The following ESCO2 variants were observed in gnomAD, a reference collection of about 807,000 sequenced individuals.
ESCO2 encodes establishment of sister chromatid cohesion N-acetyltransferase 2.
Under a neutral mutation model 61.7 loss-of-function variants are expected in ESCO2, and 51 were observed. The observed-to-expected ratio is 0.83, with a 90% CI of 0.66 to 1.04. The LOEUF (loss-of-function observed/expected upper bound fraction) is 1.04. Among genes scored for constraint, ESCO2 ranks in the 50% least tolerant of loss-of-function variants. The pLI, the probability that ESCO2 is intolerant of heterozygous loss-of-function variation, is 0.00. For synonymous variants in ESCO2, 230 were observed against 238.2 expected, an observed-to-expected ratio of 0.97 and a Z score of 0.32; for missense variants, 692 against 686.2, an observed-to-expected ratio of 1.01 and a Z score of -0.09.
At chr8:27,805,678 A>G (rs1219193735), downstream of ESCO2, among the ~76,000 whole-genome samples, 1 of 152,092 alleles carries the variant, frequency 6.6e-6, no homozygotes, top group Admixed American at 6.5e-5. Flanking sequence ...TGGTACAAAC[A>G]CGGCTCACTG....
chr8:27,799,712 C>A lies in ESCO2; in HGVS notation c.1669C>A (p.Leu557Ile). Residue 557 changes from leucine (L) to isoleucine (I), a missense_variant, in exon 10 of 11, where the codon CTC becomes ATC. By Grantham distance (5) the Leu-to-Ile change is conservative. Coordinates refer to ENST00000305188, the MANE Select transcript of ESCO2 (RefSeq NM_001017420.3). ...KRIARRLVDT[L>I]RNCFMFGCFL... Reference sequence around the variant, plus strand: ...CATTGCAAGACGACTGGTTGATACCCTCAGGTAAGAAATAAAATGGATCTA... The same window carrying A: ...CATTGCAAGACGACTGGTTGATACCATCAGGTAAGAAATAAAATGGATCTA... 6.2e-7 allele frequency: 1 copy of A among 1,613,742 alleles called. No homozygotes were observed. The highest frequency in any genetic ancestry group is 8.5e-7 in the Non-Finnish European group (1 of 1,179,970).
downstream of ESCO2, among the ~76,000 whole-genome samples, chr8:27,814,594 C>A (rs891654015): frequency 2.0e-5 from 3 of 152,064 alleles, no homozygotes; most frequent in African/African-American, 7.2e-5. Flanking sequence ...AATCAATGAA[C>A]ATAGGTCATT....
chr8:27,808,048 T>A (rs1475730232), downstream of ESCO2: 1 of 195,298 alleles, frequency 5.1e-6, no homozygotes, highest in East Asian at 1.7e-4. Flanking sequence ...GTTTATGGTA[T>A]TTTTGTTATA....
intron 9 of ESCO2, among the ~76,000 whole-genome samples, chr8:27,797,567 G>A (rs1805328947): frequency 1.3e-5 from 2 of 152,114 alleles, no homozygotes; most frequent in African/African-American, 4.8e-5. Context: ...AGTAATTATT[G>A]ATAAATAAGG....
intron 3 of ESCO2, chr8:27,779,939 A>G (rs1804885223): frequency 1.9e-5 from 8 of 428,928 alleles, no homozygotes; most frequent in South Asian, 1.9e-4. Context: ...TGCTGGCATT[A>G]CAGGCATGAG....
At chr8:27,816,359 T>TATATATATATATATA (rs1563489324), downstream of ESCO2, among the ~76,000 whole-genome samples, 1,434 of 125,706 alleles carry the variant, frequency 0.011, 15 homozygotes, top group South Asian at 0.042. Flanking sequence ...ATATATATAT[T>TATATATATATATATA]TATTTATTTA....
intron 10 of ESCO2, among the ~76,000 whole-genome samples, chr8:27,803,024 C>T (rs767037265): frequency 7.9e-5 from 12 of 152,050 alleles, no homozygotes; most frequent in Admixed American, 3.3e-4. Context: ...TGTGCCACTG[C>T]GCCTGGCCTA....
At chr8:27,773,388 C>T (rs968011236), upstream of ESCO2, among the ~76,000 whole-genome samples, 1 of 152,064 alleles carries the variant, frequency 6.6e-6, no homozygotes, top group Non-Finnish European at 1.5e-5. Context: ...CAGCCCACTT[C>T]CTGCCCCCCT....
rs1487416817 is a variant in ESCO2, at chr8:27,775,357, G to A, written c.-16-142G>A. 9 of 731,640 alleles carry A rather than the reference G, an allele frequency of 1.2e-5. No individual in the cohort carries two copies. The Admixed American group carries it at 1.6e-4, about 13-fold the overall frequency. The allele number at this position is 731,640 out of a possible 1,614,324, so 45.3% of individuals were successfully genotyped here. The stretch of plus-strand genomic sequence containing the variant: ...ACAAGCGCGTGTAACCCTTGGAGGG[G>A]TGGAAGGAGAGCAATGTCGAGGAAG... On this transcript the variant is annotated intron_variant, in intron 1 of 10. Coordinates refer to ENST00000305188, the MANE Select transcript of ESCO2 (RefSeq NM_001017420.3).
At chr8:27,810,620 A>T, downstream of ESCO2, 1 of 631,416 alleles carries the variant, frequency 1.6e-6, no homozygotes, top group Non-Finnish European at 2.8e-6. Context: ...CCATTCTGCC[A>T]CAGACAGAAT....
At chr8:27,811,454 T>C (rs979549615), downstream of ESCO2, 1 of 459,734 alleles carries the variant, frequency 2.2e-6, no homozygotes, top group Non-Finnish European at 4.0e-6. Context: ...AAGACATGTG[T>C]GTGCAAGCTG....
At chr8:27,810,731 A>G (rs983246138), downstream of ESCO2, among the ~76,000 whole-genome samples, 3 of 152,030 alleles carry the variant, frequency 2.0e-5, no homozygotes, top group African/African-American at 7.2e-5. Flanking sequence ...TAGTTTTCCA[A>G]TCAATCATTT....
downstream of ESCO2, among the ~76,000 whole-genome samples, chr8:27,814,642 C>G (rs1275773473): frequency 2.0e-5 from 3 of 152,082 alleles, no homozygotes; most frequent in Non-Finnish European, 4.4e-5. Flanking sequence ...TAATTTACAA[C>G]TATAGATTTC....
At chr8:27,774,148 C>G (rs1804721640), upstream of ESCO2, among the ~76,000 whole-genome samples, 1 of 150,696 alleles carries the variant, frequency 6.6e-6, no homozygotes. Context: ...ATAAGTGCAT[C>G]GAGAATCTTG....
In ESCO2 at chr8:27,803,560, A is replaced by ACACT; in HGVS notation, c.*125_*126insTCAC. ...GAGACTCACACTCATACACACACAC[A>ACACT]CACACACGCACACACACATATCACA... On this transcript the variant is annotated 3_prime_UTR_variant, in exon 11 of 11. Transcript: ENST00000305188. 1 of 1,457,618 alleles carries ACACT rather than the reference A, an allele frequency of 6.9e-7. No individual in the cohort carries two copies. The highest frequency in any genetic ancestry group is 9.0e-7 in the Non-Finnish European group (1 of 1,112,342). 90.3% of individuals were successfully genotyped at this position (1,457,618 alleles called of 1,614,324 possible).
At chr8:27,818,469 A>G in the ESCO2 span, among the ~76,000 whole-genome samples, 1 of 152,226 alleles carries the variant, frequency 6.6e-6, no homozygotes, top group Non-Finnish European at 1.5e-5. Flanking sequence ...AACGTTTAAC[A>G]GATAATTTAC....
chr8:27,806,898 G>A (rs560224428), downstream of ESCO2, among the ~76,000 whole-genome samples: 2 of 152,294 alleles, frequency 1.3e-5, no homozygotes, highest in African/African-American at 4.8e-5. Context: ...TTATAGGCAT[G>A]AGCCAGTATG....
At chr8:27,810,901 A>G (rs1414753861), downstream of ESCO2, 5 of 1,122,650 alleles carry the variant, frequency 4.5e-6, no homozygotes, top group South Asian at 2.6e-5. Context: ...ATAAAATTAT[A>G]TAATCTTTAG....
intron 2 of ESCO2, among the ~76,000 whole-genome samples, chr8:27,776,144 G>A (rs1332828309): frequency 6.6e-6 from 1 of 151,978 alleles, no homozygotes; most frequent in African/African-American, 2.4e-5. Flanking sequence ...TTTGTATATA[G>A]TATTTGTTTT....
Sources: allele counts gnomAD v4.1 joint callset (sites outside exome capture counted in the v4.1 genomes callset), GRCh38; gene constraint gnomAD v4.1.1; transcripts MANE v1.5; gene names NCBI Gene and HGNC (gene_info 2026-07-23, HGNC 2026-07-21).